Variants in FAM53B observed in about 807,000 individuals in gnomAD.
FAM53B encodes the protein protein FAM53B.
Under a neutral mutation model 32.7 loss-of-function variants are expected in FAM53B, and 12 were observed. The ratio of observed to expected loss-of-function variants is 0.37; its 90% CI spans 0.24 to 0.59. FAM53B has a LOEUF of 0.59. FAM53B is among the 20% of genes least tolerant of loss of function. The pLI, the probability that FAM53B is intolerant of heterozygous loss-of-function variation, is 0.72. For synonymous variants in FAM53B, 234 were observed against 228.7 expected, an observed-to-expected ratio of 1.02 and a Z score of -0.21; for missense variants, 477 against 577.7, an observed-to-expected ratio of 0.83 and a Z score of 1.79.
At chr10:124,636,578 G>A (rs1052913850) in intron 4 of FAM53B, among the ~76,000 whole-genome samples, 1 of 152,092 alleles carries the variant, frequency 6.6e-6, no homozygotes, top group Non-Finnish European at 1.5e-5. Context: ...AGGTTCAGGT[G>A]GCCCCCTGCC....
At chr10:124,736,125 G>A (rs954327126) in intron 1 of FAM53B, among the ~76,000 whole-genome samples, 23 of 152,220 alleles carry the variant, frequency 1.5e-4, no homozygotes, top group Non-Finnish European at 2.4e-4. Flanking sequence ...AAGGCACTAC[G>A]CCCATTGCAA....
At chr10:124,675,506 GA>G (rs1949731489) in intron 4 of FAM53B, among the ~76,000 whole-genome samples, 1 of 152,226 alleles carries the variant, frequency 6.6e-6, no homozygotes, top group African/African-American at 2.4e-5. Flanking sequence ...GGCATTTGCT[GA>G]GTGCCAACCG....
chr10:124,675,127 T>G (rs1589746798), intron 4 of FAM53B, among the ~76,000 whole-genome samples: 1 of 152,166 alleles, frequency 6.6e-6, no homozygotes, highest in African/African-American at 2.4e-5. Flanking sequence ...CCAGTGACCT[T>G]AAGCAGATTG....
intron 4 of FAM53B, among the ~76,000 whole-genome samples, chr10:124,665,357 A>G (rs1251796844): frequency 6.6e-6 from 1 of 152,138 alleles, no homozygotes; most frequent in Non-Finnish European, 1.5e-5. Context: ...TTCCAGCCCA[A>G]CTGTCTGCTC....
At chr10:124,695,238 C>T (rs1437054438) in intron 3 of FAM53B, among the ~76,000 whole-genome samples, 5 of 152,156 alleles carry the variant, frequency 3.3e-5, no homozygotes, top group South Asian at 2.1e-4. Flanking sequence ...TCCACGCAGA[C>T]GTTACAGAAA....
chr10:124,679,997 C>G (rs1459088501), intron 4 of FAM53B, among the ~76,000 whole-genome samples: 1 of 152,076 alleles, frequency 6.6e-6, no homozygotes, highest in East Asian at 1.9e-4. Flanking sequence ...ATTATCATAC[C>G]CAGAACTCGG....
chr10:124,738,373 T>G (rs547852668), intron 1 of FAM53B, among the ~76,000 whole-genome samples: 1 of 151,790 alleles, frequency 6.6e-6, no homozygotes, highest in Non-Finnish European at 1.5e-5. Flanking sequence ...TTTTTTTTTT[T>G]CCAACCTTCC....
intron 3 of FAM53B, among the ~76,000 whole-genome samples, chr10:124,689,684 A>G (rs2134073636): frequency 6.6e-6 from 1 of 152,378 alleles, no homozygotes; most frequent in South Asian, 2.1e-4. Context: ...CGGGGTTCAG[A>G]GCCATTACCA....
intron 2 of FAM53B, among the ~76,000 whole-genome samples, chr10:124,700,862 GC>G (rs1292529687): frequency 6.6e-6 from 1 of 152,214 alleles, no homozygotes; most frequent in East Asian, 1.9e-4. Flanking sequence ...TCGCGCTCAT[GC>G]CCTGCGGGGG....
At chr10:124,700,352 A>G (rs1010891919) in intron 2 of FAM53B, among the ~76,000 whole-genome samples, 12 of 152,166 alleles carry the variant, frequency 7.9e-5, no homozygotes, top group African/African-American at 2.7e-4. Flanking sequence ...GAATGAGCCA[A>G]TCACGGTGTG....
chr10:124,628,919 T>C (rs1348785303), intron 4 of FAM53B, among the ~76,000 whole-genome samples: 1 of 152,254 alleles, frequency 6.6e-6, no homozygotes, highest in East Asian at 1.9e-4. Flanking sequence ...CTGCAGTTCA[T>C]GGGCTTCCCT....
rs375150445 is a variant in FAM53B, at chr10:124,663,630, G to A, written c.906+17977C>T. ...CTCTGATCCGGCAGGTCTGGGGTGG[G>A]CACCGAGGTTCTGAAGTCCCATCGT... On this transcript the variant is annotated intron_variant, in intron 4 of 4. Coordinates refer to ENST00000337318, the MANE Select transcript of FAM53B (RefSeq NM_014661.4). Among the ~76,000 whole-genome samples the A allele has an allele frequency of 3.6e-4, 55 of 152,322 alleles. 1 individual carries two copies. In the South Asian group the frequency reaches 0.011, roughly 32 times the overall value.
rs145567974 is a variant in FAM53B at position 124,671,823 on chromosome 10, G to A, written c.906+9784C>T. Reference sequence around the variant, plus strand: ...CCTCCCAAAAAGGAATTATCCAAGAGCTCTACTATGTCTAACTTTCAAAGG... The same window carrying A: ...CCTCCCAAAAAGGAATTATCCAAGAACTCTACTATGTCTAACTTTCAAAGG... On this transcript the variant is annotated intron_variant, in intron 4 of 4. Coordinates refer to ENST00000337318, the MANE Select transcript of FAM53B (RefSeq NM_014661.4). 5.7e-3 allele frequency among the ~76,000 whole-genome samples: 868 copies of A among 152,064 alleles called. 24 individuals are homozygous for A. Among genetic ancestry groups the A allele is most frequent in the Admixed American group, 0.044 (679 of 15,292 alleles).
chr10:124,676,733 C>A (rs1325600091), intron 4 of FAM53B, among the ~76,000 whole-genome samples: 25 of 152,310 alleles, frequency 1.6e-4, no homozygotes, highest in Admixed American at 1.5e-3. Context: ...CCAGTCCCTG[C>A]GGCCCCGCCC....
intron 1 of FAM53B, among the ~76,000 whole-genome samples, chr10:124,719,558 C>A (rs953795925): frequency 3.3e-5 from 5 of 152,158 alleles, no homozygotes; most frequent in Non-Finnish European, 5.9e-5. Flanking sequence ...AACAAAGATT[C>A]ATTCTATTGT....
chr10:124,623,930 T>C, intron 4 of FAM53B: 1 of 294,376 alleles, frequency 3.4e-6, no homozygotes, highest in Non-Finnish European at 6.3e-6. Flanking sequence ...ACAGCCTTTC[T>C]GAAGCGCAAC....
intron 1 of FAM53B, among the ~76,000 whole-genome samples, chr10:124,714,691 A>G (rs1417067580): frequency 3.3e-5 from 5 of 150,106 alleles, no homozygotes. Context: ...CCCGGGAGGC[A>G]GAGCTTGCAG....
chr10:124,738,149 C>T (rs1392792728), intron 1 of FAM53B, among the ~76,000 whole-genome samples: 3 of 151,902 alleles, frequency 2.0e-5, no homozygotes, highest in Non-Finnish European at 4.4e-5. Context: ...GCTCCGCTCC[C>T]GAATACGAAA....
intron 4 of FAM53B, among the ~76,000 whole-genome samples, chr10:124,652,068 G>A (rs1041439433): frequency 6.6e-6 from 1 of 152,190 alleles, no homozygotes; most frequent in Non-Finnish European, 1.5e-5. Context: ...TGATAAGCAC[G>A]AGCATGCTTT....
Sources: allele counts gnomAD v4.1 joint callset (sites outside exome capture counted in the v4.1 genomes callset), GRCh38; gene constraint gnomAD v4.1.1; transcripts MANE v1.5; gene names NCBI Gene and HGNC (gene_info 2026-07-23, HGNC 2026-07-21).